CDC42BPA: variants seen among roughly 807,000 people sequenced by gnomAD.
CDC42BPA encodes the protein serine/threonine-protein kinase MRCK alpha.
In CDC42BPA, 80 loss-of-function variants were observed where a neutral mutation model predicts 223.5. The observed-to-expected ratio is 0.36, with a 90% CI of 0.30 to 0.43. The LOEUF (loss-of-function observed/expected upper bound fraction) is 0.43. CDC42BPA is among the 20% of genes least tolerant of loss of function. The pLI, the probability that CDC42BPA is intolerant of heterozygous loss-of-function variation, is 1.00. For synonymous variants in CDC42BPA, 694 were observed against 718.6 expected, an observed-to-expected ratio of 0.97 and a Z score of 0.55; for missense variants, 1,743 against 2,099.9, an observed-to-expected ratio of 0.83 and a Z score of 3.32.
At chr1:227,121,802 CTTTTTTTT>C (rs11327691) in intron 11 of CDC42BPA, among the ~76,000 whole-genome samples, 4 of 134,130 alleles carry the variant, frequency 3.0e-5, no homozygotes, top group African/African-American at 2.8e-5. Flanking sequence ...TCTTTTTTTT[CTTTTTTTT>C]TTTTTTTGGA....
chr1:227,173,816 TTAAGTA>T (rs1329356739), intron 5 of CDC42BPA, among the ~76,000 whole-genome samples: 2 of 152,110 alleles, frequency 1.3e-5, no homozygotes, highest in Non-Finnish European at 2.9e-5. Context: ...AATACAACTG[TTAAGTA>T]TAACAGCATT....
Position 227,143,019 on chromosome 1 carries a change from C to T in CDC42BPA, c.1149G>A (p.Thr383=), listed in dbSNP as rs1326261211. 7 of 1,520,978 alleles carry T rather than the reference C, an allele frequency of 4.6e-6. No homozygotes were observed. Among genetic ancestry groups the T allele is most frequent in the South Asian group, 1.3e-5 (1 of 74,406 alleles). 94.2% of individuals were successfully genotyped at this position (1,520,978 alleles called of 1,614,324 possible). A position where few individuals can be genotyped will look rare whatever the true frequency, so the allele number is the denominator to read the frequency against. Residue 383 remains threonine, a synonymous_variant, in exon 9 of 37, where the codon ACG becomes ACA. Coordinates refer to ENST00000366766, the MANE Select transcript of CDC42BPA (RefSeq NM_001394014.1). Reference sequence around the variant, plus strand: ...ATGCAGTATGTGTTGGTGGGGGCATCGTTTCCTAAAGGAGGAAAAAACATC... The same window carrying T: ...ATGCAGTATGTGTTGGTGGGGGCATTGTTTCCTAAAGGAGGAAAAAACATC... ...VDDDCLKNSE[T]MPPPTHTAFS... is the part of the protein sequence containing the mutation.
At chr1:227,220,737 C>T (rs1167476114) in intron 2 of CDC42BPA, among the ~76,000 whole-genome samples, 4 of 152,106 alleles carry the variant, frequency 2.6e-5, no homozygotes, top group African/African-American at 9.7e-5. Flanking sequence ...CATTTGACAT[C>T]TTGATCCCAA....
At chr1:227,107,593 G>A (rs1686156317) in intron 14 of CDC42BPA, among the ~76,000 whole-genome samples, 1 of 152,166 alleles carries the variant, frequency 6.6e-6, no homozygotes, top group Non-Finnish European at 1.5e-5. Context: ...GTTTGGGAAG[G>A]ATTGCTGTTA....
At chr1:227,284,068 TA>T (rs1469003269) in intron 1 of CDC42BPA, among the ~76,000 whole-genome samples, 3 of 152,138 alleles carry the variant, frequency 2.0e-5, no homozygotes, top group African/African-American at 7.2e-5. Flanking sequence ...AAAATATATA[TA>T]CTTTTTAATT....
chr1:227,033,458 T>A lies in CDC42BPA; in HGVS notation c.3477-43A>T, dbSNP rs187913371. 2.5e-4 allele frequency: 335 copies of A among 1,347,870 alleles called. 4 individuals carry two copies. The Admixed American group carries it at 5.6e-3, about 22-fold the overall frequency. The allele number at this position is 1,347,870 out of a possible 1,614,324, so 83.5% of individuals were successfully genotyped here. On this transcript the variant is annotated intron_variant, in intron 26 of 36. Transcript: ENST00000366766. The stretch of plus-strand genomic sequence containing the variant: ...CATTAAAAGTTACTATATGTGGCTA[T>A]GTGTGTGTGGTTTGGGGTGTGTATC...
intron 2 of CDC42BPA, chr1:227,234,834 C>G (rs1390495097): frequency 1.3e-5 from 2 of 152,188 alleles, no homozygotes; most frequent in African/African-American, 4.8e-5. Context: ...GCCCACAGGC[C>G]GCATGTGGCC....
intron 24 of CDC42BPA, among the ~76,000 whole-genome samples, chr1:227,038,740 C>G (rs1670799939): frequency 6.6e-6 from 1 of 152,192 alleles, no homozygotes; most frequent in South Asian, 2.1e-4. Flanking sequence ...CTTTGAAGAA[C>G]AGCAGCAGGA....
intron 1 of CDC42BPA, among the ~76,000 whole-genome samples, chr1:227,256,534 G>C (rs916183217): frequency 1.3e-5 from 2 of 151,192 alleles, no homozygotes; most frequent in Non-Finnish European, 2.9e-5. Flanking sequence ...CATATGAAAA[G>C]ATACTCAACA....
chr1:227,044,700 C>G (rs548042780), intron 23 of CDC42BPA, among the ~76,000 whole-genome samples: 13 of 152,182 alleles, frequency 8.5e-5, no homozygotes, highest in African/African-American at 2.9e-4. Context: ...CCCTTTTACA[C>G]TATCTACTCC....
intron 1 of CDC42BPA, among the ~76,000 whole-genome samples, chr1:227,306,824 T>C (rs3795457): frequency 0.2 from 30,715 of 152,134 alleles, 3,164 homozygotes; most frequent in East Asian, 0.26. Context: ...TTCAAACAAG[T>C]ATTTTTTAAA....
chr1:227,131,572 C>T (rs1657113352), intron 10 of CDC42BPA, among the ~76,000 whole-genome samples: 1 of 152,074 alleles, frequency 6.6e-6, no homozygotes, highest in Non-Finnish European at 1.5e-5. Context: ...TCCTTTTTGT[C>T]CTAGCAGGGA....
intron 2 of CDC42BPA, among the ~76,000 whole-genome samples, chr1:227,226,466 C>G (rs78502410): frequency 0.097 from 14,810 of 152,116 alleles, 844 homozygotes; most frequent in Middle Eastern, 0.16. Flanking sequence ...ATATCATAGT[C>G]CATAGATGGA....
intron 11 of CDC42BPA, among the ~76,000 whole-genome samples, chr1:227,126,750 A>C (rs956557953): frequency 1.3e-5 from 2 of 152,192 alleles, no homozygotes; most frequent in African/African-American, 4.8e-5. Context: ...TCGTATGTTC[A>C]TATCAATTGA....
chr1:227,016,246 G>A (rs772168526), intron 33 of CDC42BPA, 49 bp from the exon 34 acceptor site: 2 of 961,016 alleles, frequency 2.1e-6, no homozygotes, highest in Non-Finnish European at 3.3e-6. Context: ...GTTAATTTAT[G>A]TAGCTTATGA....
At chr1:227,144,574 CAAAAAAAAAAAAAAAAAA>C (rs57568297) in intron 8 of CDC42BPA, among the ~76,000 whole-genome samples, 2 of 63,476 alleles carry the variant, frequency 3.2e-5, no homozygotes, top group Non-Finnish European at 2.7e-5. Context: ...GACTCTGTCT[CAAAAAAAAAAAAAAAAAA>C]AAAAAAAAAA....
chr1:227,174,571 T>C (rs1281235855), intron 5 of CDC42BPA, among the ~76,000 whole-genome samples: 2 of 152,204 alleles, frequency 1.3e-5, no homozygotes, highest in African/African-American at 4.8e-5. Context: ...GATTGCTCTA[T>C]TTCCTATATC....
At chr1:227,092,111 T>C (rs1352119565) in intron 15 of CDC42BPA, 120 bp from the exon 16 acceptor site, 1 of 593,942 alleles carries the variant, frequency 1.7e-6, no homozygotes, top group Non-Finnish European at 3.0e-6. Context: ...AGAAATGTTG[T>C]CCCCATAGAA....
chr1:227,197,043 CAA>C (rs539759163), intron 4 of CDC42BPA, among the ~76,000 whole-genome samples: 1 of 152,186 alleles, frequency 6.6e-6, no homozygotes. Context: ...CTGAAACACA[CAA>C]AAAGTCTACT....
Sources: allele counts gnomAD v4.1 joint callset (sites outside exome capture counted in the v4.1 genomes callset), GRCh38; gene constraint gnomAD v4.1.1; transcripts MANE v1.5; gene names NCBI Gene and HGNC (gene_info 2026-07-23, HGNC 2026-07-21).